Variants in CCDC148 observed in about 807,000 individuals in gnomAD.
The protein encoded by CCDC148 is coiled-coil domain-containing protein 148.
A neutral mutation model predicts 85.7 loss-of-function variants in CCDC148; 89 were observed. The ratio of observed to expected loss-of-function variants is 1.04; its 90% CI spans 0.87 to 1.24. The LOEUF is 1.24. Among genes scored for constraint, CCDC148 ranks in the 50% most tolerant of loss-of-function variants. The pLI, the probability that CCDC148 is intolerant of heterozygous loss-of-function variation, is 0.00. For missense variants in CCDC148, 692 were observed against 671.7 expected, an observed-to-expected ratio of 1.03 and a Z score of -0.33; for synonymous variants, 230 against 213.9, an observed-to-expected ratio of 1.08 and a Z score of -0.66.
At chr2:158,303,473 C>G (rs2105201938) in intron 9 of CCDC148, among the ~76,000 whole-genome samples, 1 of 152,182 alleles carries the variant, frequency 6.6e-6, no homozygotes, top group African/African-American at 2.4e-5. Flanking sequence ...GATAAATTGC[C>G]AAGTTTCCTT....
intron 1 of CCDC148, among the ~76,000 whole-genome samples, chr2:158,382,776 C>T (rs1316732749): frequency 6.7e-6 from 1 of 148,340 alleles, no homozygotes; most frequent in Non-Finnish European, 1.5e-5. Context: ...AAAAAATTAG[C>T]TGGGCATGGT....
chr2:158,192,624 C>T (rs78072144), intron 11 of CCDC148, among the ~76,000 whole-genome samples: 102 of 152,116 alleles, frequency 6.7e-4, no homozygotes, highest in African/African-American at 2.3e-3. Flanking sequence ...AAAGCAGCAG[C>T]AGGAGAGGCT....
rs914579417 is a variant in CCDC148 at position 158,207,182 on chromosome 2, G to A, written c.1370+13413C>T. ...CCTAAGGAAGTCCATTAACTGTGTAGAAGTAGAGGAATGGGCTGAAGCGCA... is the reference window on the plus strand; with the variant it reads ...CCTAAGGAAGTCCATTAACTGTGTAAAAGTAGAGGAATGGGCTGAAGCGCA... On this transcript the variant is annotated intron_variant, in intron 11 of 13. Coordinates refer to ENST00000283233, the MANE Select transcript of CCDC148 (RefSeq NM_138803.4). 5.9e-5 allele frequency among the ~76,000 whole-genome samples: 9 copies of A among 152,318 alleles called. No individual in the cohort carries two copies. The South Asian group carries it at 1.9e-3, about 32-fold the overall frequency.
At position 158,222,470 on chromosome 2, in the gene CCDC148, T is replaced by TC. The variant is rs1553483757; in HGVS notation, c.1252-1758_1252-1757insG. Reference sequence around the variant, plus strand: ...AAGTGTGCTCTCTCCCTCTCTCTCTTTCTCTCTCTCTCTCTCTCTAATCCT... The same window carrying TC: ...AAGTGTGCTCTCTCCCTCTCTCTCTTCTCTCTCTCTCTCTCTCTCTAATCCT... On this transcript the variant is annotated intron_variant, in intron 10 of 13. Transcript: ENST00000283233. Among the ~76,000 whole-genome samples, 1,314 of 148,316 alleles carry TC rather than the reference T, an allele frequency of 8.9e-3. 8 individuals carry two copies. The highest frequency in any genetic ancestry group is 0.024 in the Middle Eastern group (7 of 286).
chr2:158,344,093 TTG>T (rs1682874154), intron 3 of CCDC148, among the ~76,000 whole-genome samples: 1 of 152,170 alleles, frequency 6.6e-6, no homozygotes, highest in South Asian at 2.1e-4. Context: ...ACACTTGAAT[TTG>T]AATCAGTGAA....
At chr2:158,299,850 C>A (rs1037718959) in intron 9 of CCDC148, among the ~76,000 whole-genome samples, 1 of 152,126 alleles carries the variant, frequency 6.6e-6, no homozygotes, top group Non-Finnish European at 1.5e-5. Context: ...GGAGAACTAC[C>A]AAATGTGGAG....
intron 1 of CCDC148, among the ~76,000 whole-genome samples, chr2:158,429,360 AAT>A (rs371609014): frequency 0.03 from 4,422 of 149,714 alleles, 107 homozygotes; most frequent in Non-Finnish European, 0.048. Context: ...AAAGAGCATG[AAT>A]AGATAGATAG....
At chr2:158,323,066 T>C (rs1433989867) in intron 7 of CCDC148, among the ~76,000 whole-genome samples, 2 of 152,188 alleles carry the variant, frequency 1.3e-5, no homozygotes, top group Non-Finnish European at 2.9e-5. Flanking sequence ...TAAACTTGTC[T>C]TCATGTTACT....
chr2:158,420,376 A>G (rs1686714929), intron 1 of CCDC148, among the ~76,000 whole-genome samples: 1 of 152,222 alleles, frequency 6.6e-6, no homozygotes, highest in African/African-American at 2.4e-5. Flanking sequence ...CCATCAGACT[A>G]ACAGCAGATC....
chr2:158,390,202 A>T (rs1469772236), intron 1 of CCDC148, among the ~76,000 whole-genome samples: 1 of 152,190 alleles, frequency 6.6e-6, no homozygotes, highest in Non-Finnish European at 1.5e-5. Context: ...CTTGAAACTT[A>T]CATATTATAT....
Position 158,225,157 on chromosome 2 carries a change from A to ATGT in CCDC148, c.1252-4445_1252-4444insACA, listed in dbSNP as rs1687434404. Among the ~76,000 whole-genome samples the ATGT allele has an allele frequency of 2.0e-5, 3 of 152,322 alleles. No homozygotes were observed. In the South Asian group the frequency reaches 6.2e-4, roughly 32 times the overall value. On this transcript the variant is annotated intron_variant, in intron 10 of 13. Coordinates refer to ENST00000283233, the MANE Select transcript of CCDC148 (RefSeq NM_138803.4). ...AAAAACAGGCAGGGGTTGCAATCCT[A>ATGT]GTCTCTGATAAAACAGACTTTAAAC...
At chr2:158,290,139 G>A (rs920962513) in intron 9 of CCDC148, among the ~76,000 whole-genome samples, 3 of 152,184 alleles carry the variant, frequency 2.0e-5, no homozygotes, top group Non-Finnish European at 4.4e-5. Flanking sequence ...TGCAGGTTGA[G>A]GTGAGGCACA....
chr2:158,365,463 A>G (rs1441742343), intron 1 of CCDC148, among the ~76,000 whole-genome samples: 2 of 152,186 alleles, frequency 1.3e-5, no homozygotes, highest in Non-Finnish European at 2.9e-5. Context: ...ACACCATGAA[A>G]TACTATGCAG....
intron 1 of CCDC148, among the ~76,000 whole-genome samples, chr2:158,396,804 T>C (rs780264180): frequency 2.0e-5 from 3 of 152,100 alleles, no homozygotes; most frequent in Non-Finnish European, 2.9e-5. Context: ...CTACTACTAC[T>C]ACTATTATTA....
rs1687826420 is a variant in CCDC148, at chr2:158,230,940, G to A, written c.1252-10227C>T. Among the ~76,000 whole-genome samples the A allele has an allele frequency of 2.6e-5, 4 of 152,142 alleles. No homozygotes were observed. The South Asian group carries it at 8.3e-4, about 31-fold the overall frequency. On this transcript the variant is annotated intron_variant, in intron 10 of 13. Transcript: ENST00000283233. ...TTGCTTGAACAGCTGGTTGAAAGGT[G>A]ATACTAGTAACTGAGATAGAAGATT...
chr2:158,253,152 T>C (rs976357915), intron 9 of CCDC148, among the ~76,000 whole-genome samples: 2 of 151,732 alleles, frequency 1.3e-5, no homozygotes, highest in South Asian at 4.1e-4. Context: ...TTCCAAACCA[T>C]TGAGCTTGGT....
chr2:158,430,714 C>T (rs572623268), intron 1 of CCDC148, among the ~76,000 whole-genome samples: 1 of 151,766 alleles, frequency 6.6e-6, no homozygotes, highest in Admixed American at 6.6e-5. Context: ...ATCACATGTA[C>T]CCTGAAAAAT....
intron 11 of CCDC148, among the ~76,000 whole-genome samples, chr2:158,190,505 T>C (rs1685372530): frequency 6.6e-6 from 1 of 152,020 alleles, no homozygotes; most frequent in Admixed American, 6.6e-5. Flanking sequence ...TTTGAATACT[T>C]AGAGGCACCT....
At chr2:158,176,138 G>A (rs1272532003) in intron 13 of CCDC148, among the ~76,000 whole-genome samples, 1 of 151,528 alleles carries the variant, frequency 6.6e-6, no homozygotes, top group Non-Finnish European at 1.5e-5. Flanking sequence ...AGTATCAGTT[G>A]TTTATTAATA....
Sources: allele counts gnomAD v4.1 joint callset (sites outside exome capture counted in the v4.1 genomes callset), GRCh38; gene constraint gnomAD v4.1.1; transcripts MANE v1.5; gene names NCBI Gene and HGNC (gene_info 2026-07-23, HGNC 2026-07-21).